The following ARHGEF18 variants were observed in gnomAD, a reference collection of about 807,000 sequenced individuals.
The protein encoded by ARHGEF18 is Rho/Rac guanine nucleotide exchange factor 18.
A neutral mutation model predicts 155.7 loss-of-function variants in ARHGEF18; 93 were observed. The ratio of observed to expected loss-of-function variants is 0.60; its 90% CI spans 0.50 to 0.71. The LOEUF is 0.71. Among genes scored for constraint, ARHGEF18 ranks in the 30% least tolerant of loss-of-function variants. ARHGEF18 has a pLI of 0.00. For missense variants in ARHGEF18, 1,593 were observed against 1,816.1 expected, an observed-to-expected ratio of 0.88 and a Z score of 2.23; for synonymous variants, 742 against 753.1, an observed-to-expected ratio of 0.99 and a Z score of 0.24.
At chr19:7,421,418 A>C (rs1973343635) in intron 10 of ARHGEF18, among the ~76,000 whole-genome samples, 1 of 151,770 alleles carries the variant, frequency 6.6e-6, no homozygotes, top group Admixed American at 6.6e-5. Context: ...GGACAACTGT[A>C]CCCCCCTCTT....
chr19:7,460,146 C>T (rs1413546567), intron 20 of ARHGEF18, 152 bp downstream of exon 20: 10 of 754,908 alleles, frequency 1.3e-5, no homozygotes, highest in African/African-American at 7.2e-5. Context: ...AGCATTAGAA[C>T]GGGCTGTGCC....
chr19:7,382,676 G>A (rs1377952901), intron 8 of ARHGEF18, 116 bp from the exon 9 acceptor site: 22 of 583,144 alleles, frequency 3.8e-5, no homozygotes, highest in Non-Finnish European at 5.3e-5. Context: ...AAGGGGTAAG[G>A]CAGGACCAGG....
intron 10 of ARHGEF18, among the ~76,000 whole-genome samples, chr19:7,413,294 C>CTTTTTTTTTTTTTT (rs71179106): frequency 1.4e-5 from 2 of 138,290 alleles, no homozygotes. Context: ...AAACAAAAAG[C>CTTTTTTTTTTTTTT]TTTTTTTTTT....
rs749582734 is a variant in ARHGEF18 at position 7,440,294 on chromosome 19, C to A, written c.968-50C>A. 1.3e-6 allele frequency: 2 copies of A among 1,583,374 alleles called. No homozygotes were observed. The highest frequency in any genetic ancestry group is 2.3e-5 in the East Asian group (1 of 42,810). On this transcript the variant is annotated intron_variant, in intron 10 of 28. Transcript: ENST00000668164. The surrounding 1 kb of genome is among the most constrained non-coding windows in gnomAD (Gnocchi z 5.4). ...GGGGCTTCCGCGCCGGGGACCTCCG[C>A]TACCCGACCCACTTTCTCAGCACCA...
At chr19:7,390,404 G>T (rs1471754496) in intron 10 of ARHGEF18, 1 of 151,798 alleles carries the variant, frequency 6.6e-6, no homozygotes, top group Admixed American at 6.6e-5. Flanking sequence ...AGTTACTCAG[G>T]AGGCTCAGGT....
downstream of ARHGEF18, chr19:7,473,182 T>G (rs1196147681): frequency 2.2e-6 from 1 of 456,030 alleles, no homozygotes; most frequent in Non-Finnish European, 4.4e-6. Flanking sequence ...CTGGTCTGAG[T>G]CCCGGTCCAG....
intron 20 of ARHGEF18, among the ~76,000 whole-genome samples, chr19:7,460,428 C>G (rs915759757): frequency 2.6e-5 from 4 of 152,166 alleles, no homozygotes; most frequent in African/African-American, 9.7e-5. Flanking sequence ...AGCACTCACC[C>G]TCCCAAGCGT....
chr19:7,439,753 A>T, intron 10 of ARHGEF18: 1 of 1,390,106 alleles, frequency 7.2e-7, no homozygotes, highest in Non-Finnish European at 9.3e-7. Context: ...ATTAATTATC[A>T]TCATGTGCGA....
At chr19:7,446,233 T>C (rs1974979284) in intron 14 of ARHGEF18, among the ~76,000 whole-genome samples, 1 of 151,698 alleles carries the variant, frequency 6.6e-6, no homozygotes, top group Admixed American at 6.6e-5. Context: ...GTTAGCCAGG[T>C]GTGGTGGTGG....
chr19:7,400,008 C>T (rs138185864), intron 10 of ARHGEF18, among the ~76,000 whole-genome samples: 164 of 152,096 alleles, frequency 1.1e-3, no homozygotes, highest in African/African-American at 3.9e-3. Flanking sequence ...TGGGCTCAAG[C>T]GATCCTCCTA....
rs1483925647 is a variant in ARHGEF18 at position 7,462,835 on chromosome 19, TC to T, written c.2635+502del. Among the ~76,000 whole-genome samples, 58 of 121,574 alleles carry T rather than the reference TC, an allele frequency of 4.8e-4. No homozygotes were observed. Among genetic ancestry groups the T allele is most frequent in the African/African-American group, 2.0e-3 (57 of 29,022 alleles). The allele number at this position is 121,574 out of a possible 152,430, so 79.8% of individuals were successfully genotyped here. A position where few individuals can be genotyped will look rare whatever the true frequency, so the allele number is the denominator to read the frequency against. On this transcript the variant is annotated intron_variant, in intron 21 of 28. Coordinates refer to ENST00000668164, the MANE Select transcript of ARHGEF18 (RefSeq NM_001367823.1). This position sits in a 1 kb window ranked among gnomAD's most constrained non-coding sequence, Gnocchi z 4.4. ...CAGTCTGCTCTTTCTTTTTTTCTTT[TC>T]TTTTTTTTTTTTTTTTTTGAGATGG...
At chr19:7,473,164 A>G (rs1177000782), downstream of ARHGEF18, 2 of 456,066 alleles carry the variant, frequency 4.4e-6, no homozygotes, top group Non-Finnish European at 8.8e-6. Flanking sequence ...TGAAATCATC[A>G]TTTCCACCTG....
chr19:7,477,511 G>A, the ARHGEF18 span: 6 of 1,236,854 alleles, frequency 4.9e-6, no homozygotes, highest in South Asian at 1.1e-4. Context: ...AATGCCCTGT[G>A]TGGCCTGGCA....
intron 8 of ARHGEF18, among the ~76,000 whole-genome samples, chr19:7,381,437 G>C (rs1970730589): frequency 6.6e-6 from 1 of 152,172 alleles, no homozygotes; most frequent in African/African-American, 2.4e-5. Context: ...CAGCACTTTG[G>C]GAGGCCGAGG....
chr19:7,469,932 G>A lies in ARHGEF18; in HGVS notation c.3816G>A (p.Leu1272=). The change falls in exon 28 of 29, where the codon CTG becomes CTA. Residue 1272 remains leucine (L), a synonymous_variant. Transcript: ENST00000668164. ...SASFDLKQQL[L]LNKLMGKDES... ...CCTTCGACCTGAAGCAGCAGCTGCT[G>A]CTCAACAAGCTCATGGGGAAAGATG... The A allele has an allele frequency of 6.2e-7, 1 of 1,613,044 alleles. No individual in the cohort carries two copies. The highest frequency in any genetic ancestry group is 8.5e-7 in the Non-Finnish European group (1 of 1,179,898).
intron 14 of ARHGEF18, 148 bp from the exon 15 acceptor site, chr19:7,446,895 C>CA (rs11329734): frequency 0.092 from 63,855 of 696,098 alleles, 151 homozygotes; most frequent in African/African-American, 0.13. Flanking sequence ...GATGCTGTCT[C>CA]AAAAAAAAAA....
rs1974543746 is a variant in ARHGEF18, at chr19:7,440,220, G to A, written c.968-124G>A. ...GAGCGAGAACGTCTTCTTGGATAAC[G>A]AGCTGCTGACCTCCAAGATCCTGTC... On this transcript the variant is annotated intron_variant, in intron 10 of 28. Coordinates refer to ENST00000668164, the MANE Select transcript of ARHGEF18 (RefSeq NM_001367823.1). This position sits in a 1 kb window ranked among gnomAD's most constrained non-coding sequence, Gnocchi z 5.4. 1 of 1,551,680 alleles carries A rather than the reference G, an allele frequency of 6.4e-7. No individual in the cohort carries two copies. The highest frequency in any genetic ancestry group is 8.7e-7 in the Non-Finnish European group (1 of 1,147,076).
intron 16 of ARHGEF18, among the ~76,000 whole-genome samples, chr19:7,451,723 T>C (rs111589873): frequency 0.022 from 3,360 of 149,716 alleles, 68 homozygotes; most frequent in South Asian, 0.073. Context: ...GCCTGGGTTT[T>C]TTTGTTTTGT....
chr19:7,477,836 G>A, the ARHGEF18 span, among the ~76,000 whole-genome samples: 1 of 152,186 alleles, frequency 6.6e-6, no homozygotes, highest in African/African-American at 2.4e-5. Context: ...GGCCAATATG[G>A]CGAGACCCCA....
Sources: gnomAD v4.1 joint callset for allele counts (sites outside exome capture counted in the v4.1 genomes callset) on GRCh38, gnomAD v4.1.1 for gene constraint, Gnocchi (gnomAD v3.1) non-coding constraint, MANE v1.5 for transcripts, NCBI Gene and HGNC (gene_info 2026-07-23, HGNC 2026-07-21) for gene names.